Variants in CDH23 observed in about 807,000 individuals in gnomAD.
The protein encoded by CDH23 is cadherin-23.
In CDH23, 189 loss-of-function variants were observed where a neutral mutation model predicts 317.1. The ratio of observed to expected loss-of-function variants is 0.60; its 90% CI spans 0.53 to 0.67. The LOEUF (loss-of-function observed/expected upper bound fraction) is 0.67, where lower values mean the gene tolerates loss of function less well. Among genes scored for constraint, CDH23 ranks in the 30% least tolerant of loss-of-function variants. The probability of loss-of-function intolerance (pLI) is 0.00; values close to 1 mark genes in which losing one functional copy is unlikely to be tolerated. For missense variants in CDH23, 4,401 were observed against 4,592.4 expected, an observed-to-expected ratio of 0.96 and a Z score of 1.20; for synonymous variants, 1,839 against 1,876.8, an observed-to-expected ratio of 0.98 and a Z score of 0.52.
intron 3 of CDH23, among the ~76,000 whole-genome samples, chr10:71,470,008 T>G (rs942192331): frequency 2.0e-5 from 3 of 150,446 alleles, no homozygotes; most frequent in Admixed American, 6.6e-5. Context: ...TTCATTTCCT[T>G]TTTAAAAATA....
intron 6 of CDH23, among the ~76,000 whole-genome samples, chr10:71,543,867 T>C (rs77671688): frequency 0.03 from 4,569 of 152,242 alleles, 234 homozygotes; most frequent in African/African-American, 0.1. Context: ...TGCTAAGTAC[T>C]GTAGAGCAGA....
In CDH23 at chr10:71,397,236, GC is replaced by G; in HGVS notation, c.-87del. 1 of 212,888 alleles carries G rather than the reference GC, an allele frequency of 4.7e-6. No homozygotes were observed. The highest frequency in any genetic ancestry group is 5.3e-5 in the South Asian group (1 of 18,916). 13.2% of individuals were successfully genotyped at this position (212,888 alleles called of 1,614,324 possible). A position where few individuals can be genotyped will look rare whatever the true frequency, so the allele number is the denominator to read the frequency against. On this transcript the variant is annotated 5_prime_UTR_variant, in exon 1 of 70. Transcript: ENST00000224721. This position sits in a 1 kb window ranked among gnomAD's most constrained non-coding sequence, Gnocchi z 4.8. Reference sequence around the variant, plus strand: ...AGACGCGGCGGTGGCCAGGGCCAGAGCAGGCGGCCCGCGGGGGCCGATCCGG... The same window carrying G: ...AGACGCGGCGGTGGCCAGGGCCAGAGAGGCGGCCCGCGGGGGCCGATCCGG...
chr10:71,580,944 A>C (rs968801235), intron 9 of CDH23, among the ~76,000 whole-genome samples: 5 of 151,888 alleles, frequency 3.3e-5, no homozygotes, highest in Non-Finnish European at 7.4e-5. Context: ...AATGGGCAGG[A>C]GGGCACTGTC....
intron 6 of CDH23, among the ~76,000 whole-genome samples, chr10:71,536,871 G>C (rs966710609): frequency 6.6e-6 from 1 of 152,114 alleles, no homozygotes; most frequent in Non-Finnish European, 1.5e-5. Flanking sequence ...GGAATACAAA[G>C]ATGCAAGTAC....
At position 71,679,861 on chromosome 10, in the gene CDH23, G is replaced by A. The variant is rs144038098; in HGVS notation, c.1858+369G>A. 4.4e-4 allele frequency among the ~76,000 whole-genome samples: 67 copies of A among 152,344 alleles called. 1 individual carries two copies. The East Asian group carries it at 0.011, about 25-fold the overall frequency. ...GACTCCCTACTTTTTGGGCGGCCGT[G>A]TGGGACCAGGCACTCTGCACCATGC... On this transcript the variant is annotated intron_variant, in intron 17 of 69. Coordinates refer to ENST00000224721, the MANE Select transcript of CDH23 (RefSeq NM_022124.6).
intron 11 of CDH23, among the ~76,000 whole-genome samples, chr10:71,623,193 G>T (rs1861550568): frequency 6.6e-6 from 1 of 152,196 alleles, no homozygotes; most frequent in Admixed American, 6.5e-5. Flanking sequence ...GGGTGGGATA[G>T]GGTGATTCCT....
At chr10:71,439,731 G>A in intron 1 of CDH23, 96 bp from the exon 2 acceptor site, 1 of 858,126 alleles carries the variant, frequency 1.2e-6, no homozygotes, top group Non-Finnish European at 1.9e-6. Flanking sequence ...CCCAGCCCCA[G>A]TTCTCTCTGG....
intron 3 of CDH23, among the ~76,000 whole-genome samples, chr10:71,479,533 G>C (rs1851965314): frequency 6.6e-6 from 1 of 152,178 alleles, no homozygotes; most frequent in Non-Finnish European, 1.5e-5. Flanking sequence ...AGCCAGGAAG[G>C]CTTCCTGCTC....
intron 1 of CDH23, among the ~76,000 whole-genome samples, chr10:71,425,711 G>C (rs1317007348): frequency 6.6e-6 from 1 of 152,248 alleles, no homozygotes; most frequent in Non-Finnish European, 1.5e-5. Flanking sequence ...CCCAGACTCT[G>C]TTGCTGACTC....
intron 3 of CDH23, among the ~76,000 whole-genome samples, chr10:71,501,676 G>T (rs1853342085): frequency 6.6e-6 from 1 of 152,192 alleles, no homozygotes; most frequent in African/African-American, 2.4e-5. Context: ...TAAGACAAAT[G>T]AGATTATCCC....
At chr10:71,708,851 T>C (rs1441894154) in intron 26 of CDH23, among the ~76,000 whole-genome samples, 1 of 152,210 alleles carries the variant, frequency 6.6e-6, no homozygotes, top group Non-Finnish European at 1.5e-5. Flanking sequence ...TGAAATGGTC[T>C]GCATGAAGTA....
At chr10:71,572,769 T>C (rs994869859) in intron 8 of CDH23, among the ~76,000 whole-genome samples, 2 of 152,220 alleles carry the variant, frequency 1.3e-5, no homozygotes, top group African/African-American at 4.8e-5. Context: ...GCTGTGTAAT[T>C]TTCCACTTAA....
intron 11 of CDH23, among the ~76,000 whole-genome samples, chr10:71,625,208 C>T (rs778210194): frequency 6.6e-6 from 1 of 151,642 alleles, no homozygotes; most frequent in Admixed American, 6.6e-5. Context: ...ATCCACTGGG[C>T]GACCTCCCAA....
chr10:71,739,863 G>T (rs1839686566), intron 36 of CDH23, 91 bp downstream of exon 36: 4 of 1,415,920 alleles, frequency 2.8e-6, no homozygotes, highest in East Asian at 2.4e-5. Context: ...CTGTCCATCA[G>T]CACACTCTGG....
intron 19 of CDH23, among the ~76,000 whole-genome samples, chr10:71,689,023 G>GTGGTGGAGTCAGGGA (rs1865057059): frequency 1.1e-4 from 1 of 8,800 alleles, no homozygotes; most frequent in Non-Finnish European, 3.2e-4. Context: ...GGAGTCAGGG[G>GTGGTGGAGTCAGGGA]TGGTGGAGTC....
chr10:71,728,289 A>G (rs550878217), intron 30 of CDH23, among the ~76,000 whole-genome samples: 1 of 151,208 alleles, frequency 6.6e-6, no homozygotes, highest in African/African-American at 2.4e-5. Flanking sequence ...TGGAGTGGAC[A>G]TGTTAGTTTG....
chr10:71,432,445 G>A (rs541298990), intron 1 of CDH23, among the ~76,000 whole-genome samples: 9 of 150,696 alleles, frequency 6.0e-5, no homozygotes, highest in South Asian at 2.1e-4. Flanking sequence ...GTTTGAGAGC[G>A]TGTGTGTGAG....
chr10:71,773,595 C>G (rs1057219300), intron 38 of CDH23: 1 of 606,706 alleles, frequency 1.6e-6, no homozygotes, highest in Non-Finnish European at 2.6e-6. Flanking sequence ...CGCAGCGCCC[C>G]CGGGGGGCCG....
At chr10:71,744,854 T>A (rs779500690) in intron 38 of CDH23, among the ~76,000 whole-genome samples, 17 of 152,216 alleles carry the variant, frequency 1.1e-4, no homozygotes, top group Non-Finnish European at 1.9e-4. Flanking sequence ...CAGACCGTAA[T>A]ATAAACAGCA....
Sources: allele counts gnomAD v4.1 joint callset (sites outside exome capture counted in the v4.1 genomes callset), GRCh38; gene constraint gnomAD v4.1.1; non-coding constraint Gnocchi (gnomAD v3.1); transcripts MANE v1.5; gene names NCBI Gene and HGNC (gene_info 2026-07-23, HGNC 2026-07-21).